HNRNPH3: variants seen among roughly 807,000 people sequenced by gnomAD.
HNRNPH3 encodes the protein heterogeneous nuclear ribonucleoprotein 2H9.
Under a neutral mutation model 47.0 loss-of-function variants are expected in HNRNPH3, and 7 were observed. That is an observed-to-expected ratio of 0.15 (90% CI 0.08 to 0.28). The LOEUF is 0.28. HNRNPH3 is among the 10% of genes least tolerant of loss of function. HNRNPH3 has a pLI of 1.00. For missense variants in HNRNPH3, 279 were observed against 449.6 expected (o/e 0.62, Z 3.43); for synonymous variants, 120 against 143.2 (o/e 0.84, Z 1.16).
At chr10:68,335,475 C>T (rs1385944967) in intron 1 of HNRNPH3, among the ~76,000 whole-genome samples, 2 of 147,146 alleles carry the variant, frequency 1.4e-5, no homozygotes, top group African/African-American at 5.0e-5. Context: ...CATCTCTGAA[C>T]TTTTTTTTTT....
Position 68,339,572 on chromosome 10 carries a change from A to T in HNRNPH3, c.639+17A>T, listed in dbSNP as rs757046941. ...ATTGCTAATGTGAGTAATTTTTAATAACTATTAGTGGTTTTATACTTATCC... is the reference window on the plus strand; with the variant it reads ...ATTGCTAATGTGAGTAATTTTTAATTACTATTAGTGGTTTTATACTTATCC... On this transcript the variant is annotated intron_variant, in intron 6 of 9. Coordinates refer to ENST00000265866, the MANE Select transcript of HNRNPH3 (RefSeq NM_012207.3). 6.2e-6 allele frequency: 9 copies of T among 1,460,620 alleles called. No individual in the cohort carries two copies. The South Asian group carries it at 1.0e-4, about 17-fold the overall frequency. The allele number at this position is 1,460,620 out of a possible 1,614,324, so 90.5% of individuals were successfully genotyped here.
In HNRNPH3 at chr10:68,341,863, T is replaced by C. The variant is rs375884903; in HGVS notation, c.964+12T>C. On this transcript the variant is annotated intron_variant, in intron 9 of 9. Coordinates refer to ENST00000265866, the MANE Select transcript of HNRNPH3 (RefSeq NM_012207.3). ...TTTGGGTGGTTATGGTAAGTATCTC[T>C]AGTTCAGTTTGTGTTAGTCCGCATA... The C allele has an allele frequency of 6.6e-5, 106 of 1,602,204 alleles. No homozygotes were observed. The African/African-American group carries it at 8.7e-4, about 13-fold the overall frequency.
intron 1 of HNRNPH3, among the ~76,000 whole-genome samples, chr10:68,333,808 T>C (rs187688890): frequency 5.6e-4 from 85 of 152,294 alleles, no homozygotes; most frequent in African/African-American, 2.0e-3. Flanking sequence ...CAAAAACTTA[T>C]TATTATTGAA....
chr10:68,341,385 G>GT, intron 7 of HNRNPH3, 76 bp downstream of exon 7: 6 of 1,453,464 alleles, frequency 4.1e-6, no homozygotes, highest in Non-Finnish European at 5.7e-6. Context: ...AGATCTGTAG[G>GT]TAACGCTTGG....
At chr10:68,339,861 A>G (rs1412674973) in intron 6 of HNRNPH3, among the ~76,000 whole-genome samples, 1 of 151,668 alleles carries the variant, frequency 6.6e-6, no homozygotes, top group Non-Finnish European at 1.5e-5. Context: ...TCTACCTTTA[A>G]TTCTAATCAC....
intron 7 of HNRNPH3, 92 bp downstream of exon 7, chr10:68,341,401 G>A (rs1443224917): frequency 7.2e-7 from 1 of 1,381,334 alleles, no homozygotes; most frequent in East Asian, 2.3e-5. Flanking sequence ...CTTGGCAGTT[G>A]TTGGGATTTA....
Position 68,339,460 on chromosome 10 carries a change from G to A in HNRNPH3, c.544G>A (p.Gly182Ser), listed in dbSNP as rs2045727195. Residue 182 changes from glycine (G) to serine (S), a missense_variant, in exon 6 of 10, where the codon GGT becomes AGT. By Grantham distance (56) the Gly-to-Ser change is moderately conservative (BLOSUM62 0). Transcript: ENST00000265866. Reference sequence around the variant, plus strand: ...TCCAGGTATGGGAGGACATGGCTATGGTGGAGCTGGTGATGCAAGTTCAGG... The same window carrying A: ...TCCAGGTATGGGAGGACATGGCTATAGTGGAGCTGGTGATGCAAGTTCAGG... ...DGRGMGGHGYGGAGDASSGFH... is the reference protein window; with the variant it reads ...DGRGMGGHGYSGAGDASSGFH... The A allele has an allele frequency of 1.9e-6, 3 of 1,613,666 alleles. No homozygotes were observed. Among genetic ancestry groups the A allele is most frequent in the Non-Finnish European group, 2.5e-6 (3 of 1,179,788 alleles).
chr10:68,333,512 TG>T (rs2045339803), intron 1 of HNRNPH3, among the ~76,000 whole-genome samples: 1 of 152,216 alleles, frequency 6.6e-6, no homozygotes, highest in African/African-American at 2.4e-5. Context: ...AATACGGTTA[TG>T]GTTTATTTTC....
In HNRNPH3 at chr10:68,332,172, T is replaced by A. The variant is rs1222647218; in HGVS notation, c.-68T>A. ...CAAACGACTTCTCCCTTCTTTGAAC[T>A]GGACCCCGCGAGCACCAGAGTCGGC... On this transcript the variant is annotated 5_prime_UTR_variant, in exon 1 of 10. Coordinates refer to ENST00000265866, the MANE Select transcript of HNRNPH3 (RefSeq NM_012207.3). 1 of 152,328 alleles carries A rather than the reference T, an allele frequency of 6.6e-6. No homozygotes were observed. The highest frequency in any genetic ancestry group is 1.5e-5 in the Non-Finnish European group (1 of 68,114). 9.4% of individuals were successfully genotyped at this position (152,328 alleles called of 1,614,324 possible).
In HNRNPH3 at chr10:68,338,515, C is replaced by A; in HGVS notation, c.264C>A (p.Ile88=). 6.2e-7 allele frequency: 1 copy of A among 1,606,396 alleles called. No homozygotes were observed. The highest frequency in any genetic ancestry group is 8.5e-7 in the Non-Finnish European group (1 of 1,174,100). ...CATTTTTAAATAGGTATATTGAGAT[C>A]TTCAGAAGTAGCAGGAGTGAAATCA... The part of the protein sequence containing the change: ...KERIGHRYIE[I]FRSSRSEIKG... Residue 88 remains isoleucine, a synonymous_variant, in exon 4 of 10, where the codon ATC becomes ATA. Coordinates refer to ENST00000265866, the MANE Select transcript of HNRNPH3 (RefSeq NM_012207.3).
upstream of HNRNPH3, chr10:68,331,888 C>G (rs959992274): frequency 6.6e-6 from 1 of 152,386 alleles, no homozygotes; most frequent in Non-Finnish European, 1.5e-5. Context: ...GGAACAGCCT[C>G]TGCTCGGTCT....
chr10:68,333,595 A>C (rs2045349384), intron 1 of HNRNPH3, among the ~76,000 whole-genome samples: 1 of 152,154 alleles, frequency 6.6e-6, no homozygotes, highest in South Asian at 2.1e-4. Flanking sequence ...TAAACAAGGG[A>C]ATAAGCCTAC....
intron 1 of HNRNPH3, among the ~76,000 whole-genome samples, chr10:68,334,104 C>CT (rs1223344349): frequency 2.6e-5 from 4 of 152,218 alleles, no homozygotes; most frequent in African/African-American, 7.2e-5. Context: ...AGATAAAAAC[C>CT]TGGTTCTAGT....
At chr10:68,334,596 C>T (rs1457507401) in intron 1 of HNRNPH3, among the ~76,000 whole-genome samples, 1 of 152,198 alleles carries the variant, frequency 6.6e-6, no homozygotes, top group African/African-American at 2.4e-5. Context: ...TCCTCCCTCC[C>T]CTCAAGCCTC....
intron 1 of HNRNPH3, among the ~76,000 whole-genome samples, chr10:68,334,998 G>A (rs570143523): frequency 6.6e-6 from 1 of 152,154 alleles, no homozygotes; most frequent in East Asian, 1.9e-4. Flanking sequence ...TATGTGCTTT[G>A]CATACACAGT....
intron 9 of HNRNPH3, 45 bp downstream of exon 9, chr10:68,341,896 C>A: frequency 6.3e-7 from 1 of 1,591,500 alleles, no homozygotes; most frequent in Non-Finnish European, 8.6e-7. Flanking sequence ...ATATGTAGTG[C>A]AAACTTTAAA....
chr10:68,341,125 A>T, intron 6 of HNRNPH3, 49 bp from the exon 7 acceptor site: 2 of 1,331,648 alleles, frequency 1.5e-6, no homozygotes, highest in Non-Finnish European at 1.0e-6. Flanking sequence ...GTGGTAATTT[A>T]CTTTAATATT....
chr10:68,335,225 TTTTTC>T (rs760098494), intron 1 of HNRNPH3, among the ~76,000 whole-genome samples: 32 of 148,422 alleles, frequency 2.2e-4, no homozygotes, highest in Non-Finnish European at 3.7e-4. Context: ...TTAATTTTTC[TTTTTC>T]TTTTCTTTTT....
intron 6 of HNRNPH3, 153 bp from the exon 7 acceptor site, chr10:68,341,012 GTGTATACTC>G (rs1251866274): frequency 9.0e-6 from 5 of 553,344 alleles, no homozygotes; most frequent in Non-Finnish European, 1.2e-5. Context: ...TTATCCCTAA[GTGTATACTC>G]TGATATTCAC....
Sources: gnomAD v4.1 joint callset for allele counts (sites outside exome capture counted in the v4.1 genomes callset) on GRCh38, gnomAD v4.1.1 for gene constraint, MANE v1.5 for transcripts, NCBI Gene and HGNC (gene_info 2026-07-23, HGNC 2026-07-21) for gene names.